LUZP2: variants seen among roughly 807,000 people sequenced by gnomAD.
LUZP2 encodes leucine zipper protein 2.
In LUZP2, 52 loss-of-function variants were observed where a neutral mutation model predicts 51.6. That is an observed-to-expected ratio of 1.01 (90% CI 0.81 to 1.27). LUZP2 has a LOEUF of 1.27. Among genes scored for constraint, LUZP2 ranks in the 50% most tolerant of loss-of-function variants. LUZP2 has a pLI of 0.00. For synonymous variants in LUZP2, 154 were observed against 137.3 expected (o/e 1.12, Z -0.85); for missense variants, 436 against 395.4 (o/e 1.10, Z -0.87).
At chr11:24,582,150 G>C (rs1852881112) in intron 1 of LUZP2, among the ~76,000 whole-genome samples, 1 of 152,110 alleles carries the variant, frequency 6.6e-6, no homozygotes, top group Non-Finnish European at 1.5e-5. Context: ...ACAACAGTGA[G>C]AATGATGTGG....
intron 1 of LUZP2, among the ~76,000 whole-genome samples, chr11:24,510,628 A>G (rs1850280012): frequency 6.6e-6 from 1 of 152,178 alleles, no homozygotes; most frequent in African/African-American, 2.4e-5. Context: ...AGTTACTTTA[A>G]ACTTCATCAA....
At chr11:24,938,702 A>T (rs1354089386) in intron 7 of LUZP2, among the ~76,000 whole-genome samples, 1 of 152,050 alleles carries the variant, frequency 6.6e-6, no homozygotes, top group Non-Finnish European at 1.5e-5. Flanking sequence ...TAATATTTTC[A>T]CTTATTTGAA....
At chr11:24,600,193 A>G (rs974417621) in intron 1 of LUZP2, among the ~76,000 whole-genome samples, 10 of 146,592 alleles carry the variant, frequency 6.8e-5, no homozygotes, top group African/African-American at 1.8e-4. Context: ...ACACACACAC[A>G]CACACACACA....
intron 9 of LUZP2, among the ~76,000 whole-genome samples, chr11:25,021,604 C>G (rs1370940416): frequency 1.3e-5 from 2 of 151,740 alleles, no homozygotes; most frequent in African/African-American, 2.4e-5. Context: ...AGCTACTGGG[C>G]AGGGATAGAA....
intron 5 of LUZP2, among the ~76,000 whole-genome samples, chr11:24,837,398 C>T (rs944071212): frequency 8.6e-5 from 13 of 151,216 alleles, no homozygotes; most frequent in African/African-American, 3.1e-4. Flanking sequence ...TTTTTTTTCA[C>T]TGATCGTCTG....
At chr11:24,971,830 A>G (rs1459614654) in intron 7 of LUZP2, among the ~76,000 whole-genome samples, 1 of 151,996 alleles carries the variant, frequency 6.6e-6, no homozygotes, top group Non-Finnish European at 1.5e-5. Flanking sequence ...CCAGGTAAAA[A>G]AAGGTAAATC....
chr11:25,025,845 T>C (rs1857474646), intron 9 of LUZP2, among the ~76,000 whole-genome samples: 1 of 152,140 alleles, frequency 6.6e-6, no homozygotes, highest in Non-Finnish European at 1.5e-5. Context: ...CATGCACACG[T>C]ATGTTTATTG....
chr11:24,534,855 T>A (rs1851123373), intron 1 of LUZP2, among the ~76,000 whole-genome samples: 2 of 151,404 alleles, frequency 1.3e-5, no homozygotes, highest in South Asian at 2.1e-4. Context: ...TATTTTGTGG[T>A]CCTTGGCAAT....
intron 1 of LUZP2, among the ~76,000 whole-genome samples, chr11:24,657,319 G>A (rs148667082): frequency 1.2e-4 from 19 of 152,052 alleles, no homozygotes; most frequent in African/African-American, 4.3e-4. Flanking sequence ...CCAAATGAAT[G>A]CTAAATTTGG....
intron 9 of LUZP2, among the ~76,000 whole-genome samples, chr11:25,000,274 G>A (rs764567845): frequency 6.6e-6 from 1 of 152,104 alleles, no homozygotes; most frequent in African/African-American, 2.4e-5. Flanking sequence ...GCCCAAGCCG[G>A]CTTCACCTCT....
intron 5 of LUZP2, among the ~76,000 whole-genome samples, chr11:24,846,979 AT>A (rs1446572940): frequency 1.3e-5 from 2 of 151,792 alleles, no homozygotes; most frequent in Non-Finnish European, 2.9e-5. Flanking sequence ...ATACACTCAT[AT>A]ATAGTACGTG....
At chr11:24,539,294 G>A (rs1372752431) in intron 1 of LUZP2, among the ~76,000 whole-genome samples, 1 of 151,732 alleles carries the variant, frequency 6.6e-6, no homozygotes, top group Non-Finnish European at 1.5e-5. Flanking sequence ...AGCTTTAATG[G>A]TGCTAATAAG....
chr11:24,641,607 A>G (rs1353515798), intron 1 of LUZP2, among the ~76,000 whole-genome samples: 1 of 151,928 alleles, frequency 6.6e-6, no homozygotes, highest in Non-Finnish European at 1.5e-5. Flanking sequence ...TTTACTAATT[A>G]GAGAAAACTA....
chr11:24,976,478 T>C (rs1590795519), intron 7 of LUZP2, 113 bp from the exon 8 acceptor site: 1 of 386,548 alleles, frequency 2.6e-6, no homozygotes, highest in African/African-American at 3.0e-5. Context: ...GACACTGTTT[T>C]TTTTTTTTTT....
intron 7 of LUZP2, among the ~76,000 whole-genome samples, chr11:24,920,004 A>G (rs1853982542): frequency 6.6e-6 from 1 of 151,856 alleles, no homozygotes; most frequent in South Asian, 2.1e-4. Context: ...CCTTTAAGAG[A>G]TTATAAAGTA....
At chr11:24,830,675 A>AT (rs1467120130) in intron 5 of LUZP2, among the ~76,000 whole-genome samples, 4 of 152,156 alleles carry the variant, frequency 2.6e-5, no homozygotes, top group Non-Finnish European at 4.4e-5. Flanking sequence ...GAATTTAGTG[A>AT]TTTTTTTAGA....
chr11:24,821,043 CA>C (rs962849086), intron 5 of LUZP2, among the ~76,000 whole-genome samples: 1 of 151,968 alleles, frequency 6.6e-6, no homozygotes, highest in African/African-American at 2.4e-5. Flanking sequence ...ATGTCTTTTT[CA>C]AGAGTGTTAT....
intron 9 of LUZP2, among the ~76,000 whole-genome samples, chr11:25,039,470 A>T (rs563230919): frequency 1.3e-5 from 2 of 152,242 alleles, no homozygotes; most frequent in African/African-American, 4.8e-5. Flanking sequence ...GCAGTGTTTT[A>T]TCCATGGCAG....
In LUZP2 at chr11:25,068,724, A is replaced by G. The variant is rs990186104; in HGVS notation, c.859-8605A>G. Among the ~76,000 whole-genome samples, 4 of 152,078 alleles carry G rather than the reference A, an allele frequency of 2.6e-5. No homozygotes were observed. In the East Asian group the frequency reaches 5.8e-4, roughly 22 times the overall value. ...GTTACTGCAGGATATTTACAATGTA[A>G]TTGTTGCTTAATAACTGCCAGATTC... On this transcript the variant is annotated intron_variant, in intron 10 of 11. Coordinates refer to ENST00000336930, the MANE Select transcript of LUZP2 (RefSeq NM_001009909.4).
Sources: allele counts gnomAD v4.1 joint callset (sites outside exome capture counted in the v4.1 genomes callset), GRCh38; gene constraint gnomAD v4.1.1; transcripts MANE v1.5; gene names NCBI Gene and HGNC (gene_info 2026-07-23, HGNC 2026-07-21).